The following ATP2B2 variants were observed in gnomAD, a reference collection of about 807,000 sequenced individuals.
ATP2B2 encodes the protein ATPase plasma membrane Ca2+ transporting 2, also known as plasma membrane calcium-transporting ATPase 2.
In ATP2B2, 15 loss-of-function variants were observed where a neutral mutation model predicts 120.0. The observed-to-expected ratio is 0.12, with a 90% CI of 0.08 to 0.19. The LOEUF is 0.19. Among genes scored for constraint, ATP2B2 ranks in the 10% least tolerant of loss-of-function variants. ATP2B2 has a pLI of 1.00. For missense variants in ATP2B2, 1,045 were observed against 1,719.8 expected (o/e 0.61, Z 6.94); for synonymous variants, 694 against 700.3 (o/e 0.99, Z 0.14).
At chr3:10,657,386 G>C (rs939744091) in intron 1 of ATP2B2, among the ~76,000 whole-genome samples, 1 of 152,170 alleles carries the variant, frequency 6.6e-6, no homozygotes, top group Non-Finnish European at 1.5e-5. Context: ...ATTACAATTT[G>C]TTGCCCCTTC....
At position 10,360,819 on chromosome 3, in the gene ATP2B2, C is replaced by G. The variant is rs546823421; in HGVS notation, c.1660-696G>C. 4.6e-5 allele frequency among the ~76,000 whole-genome samples: 7 copies of G among 152,286 alleles called. No individual in the cohort carries two copies. The East Asian group carries it at 1.3e-3, about 29-fold the overall frequency. On this transcript the variant is annotated intron_variant, in intron 12 of 22. Transcript: ENST00000360273. ...GTGTATTTTCTATGCAATGGCACCA[C>G]ATGTGAGTTAATGTGGCCACCACCA...
chr3:10,507,779 G>C (rs1311185406), upstream of ATP2B2, among the ~76,000 whole-genome samples: 1 of 152,202 alleles, frequency 6.6e-6, no homozygotes, highest in Non-Finnish European at 1.5e-5. Context: ...ACTACCTCTG[G>C]GGTGGCTGCC....
At chr3:10,544,877 A>C (rs2067511844) in intron 2 of ATP2B2, among the ~76,000 whole-genome samples, 1 of 152,186 alleles carries the variant, frequency 6.6e-6, no homozygotes, top group Non-Finnish European at 1.5e-5. Flanking sequence ...CGCCCCTTCC[A>C]GAATTTGTTT....
chr3:10,570,668 G>C (rs1285950234), intron 2 of ATP2B2, among the ~76,000 whole-genome samples: 1 of 152,212 alleles, frequency 6.6e-6, no homozygotes, highest in Non-Finnish European at 1.5e-5. Context: ...TTGGTGGAGA[G>C]AGTTACATGG....
At chr3:10,407,237 G>A (rs2062446109) in intron 3 of ATP2B2, among the ~76,000 whole-genome samples, 1 of 152,198 alleles carries the variant, frequency 6.6e-6, no homozygotes, top group Non-Finnish European at 1.5e-5. Flanking sequence ...TCAGGGCTGA[G>A]GATGTCCATT....
At chr3:10,374,995 T>A (rs2061342911) in intron 11 of ATP2B2, among the ~76,000 whole-genome samples, 1 of 152,234 alleles carries the variant, frequency 6.6e-6, no homozygotes. Flanking sequence ...GCCAGACTTC[T>A]ACGTAAATTT....
chr3:10,423,232 TGTTA>T (rs1188399916), intron 2 of ATP2B2, among the ~76,000 whole-genome samples: 1 of 152,240 alleles, frequency 6.6e-6, no homozygotes, highest in Non-Finnish European at 1.5e-5. Context: ...TATTTTTCTT[TGTTA>T]ATCTGGCCAC....
chr3:10,554,962 C>A (rs556576459), intron 2 of ATP2B2, among the ~76,000 whole-genome samples: 1 of 152,286 alleles, frequency 6.6e-6, no homozygotes, highest in South Asian at 2.1e-4. Context: ...TCTCTGCCAG[C>A]TGGCCTGATC....
chr3:10,520,596 A>G (rs1421596092), intron 3 of ATP2B2, among the ~76,000 whole-genome samples: 1 of 151,958 alleles, frequency 6.6e-6, no homozygotes, highest in Non-Finnish European at 1.5e-5. Flanking sequence ...CAGCCTCCCG[A>G]GTAGCTGGGA....
At chr3:10,396,499 C>A (rs2062041414) in intron 5 of ATP2B2, among the ~76,000 whole-genome samples, 1 of 152,262 alleles carries the variant, frequency 6.6e-6, no homozygotes. Flanking sequence ...TGCCCCCAGC[C>A]TGGTCTCTCT....
chr3:10,694,156 C>T (rs148301437), intron 1 of ATP2B2, among the ~76,000 whole-genome samples: 35 of 152,356 alleles, frequency 2.3e-4, no homozygotes, highest in African/African-American at 8.2e-4. Context: ...TTTCACTAGT[C>T]ATACAGGCAC....
intron 1 of ATP2B2, among the ~76,000 whole-genome samples, chr3:10,655,866 T>C (rs995381533): frequency 3.9e-5 from 6 of 152,206 alleles, no homozygotes; most frequent in Non-Finnish European, 8.8e-5. Flanking sequence ...TCTACCCAAT[T>C]CAACGTGCCT....
chr3:10,576,111 G>A (rs1056158006), intron 2 of ATP2B2, among the ~76,000 whole-genome samples: 3 of 152,248 alleles, frequency 2.0e-5, no homozygotes, highest in African/African-American at 7.2e-5. Flanking sequence ...GTTGCTGGCA[G>A]AGCAAAGTTA....
intron 1 of ATP2B2, among the ~76,000 whole-genome samples, chr3:10,643,517 C>T (rs1016348117): frequency 5.3e-5 from 8 of 152,124 alleles, no homozygotes; most frequent in East Asian, 1.9e-4. Context: ...ACACCTTGTC[C>T]GGATGGTCAA....
intron 2 of ATP2B2, among the ~76,000 whole-genome samples, chr3:10,591,484 G>T (rs9839935): frequency 0.83 from 125,941 of 152,008 alleles, 52,680 homozygotes; most frequent in Non-Finnish European, 0.89. Context: ...GTGGCGCCCT[G>T]CTCTCTCCCC....
At chr3:10,681,080 C>T (rs192671610) in intron 1 of ATP2B2, among the ~76,000 whole-genome samples, 145 of 152,316 alleles carry the variant, frequency 9.5e-4, no homozygotes, top group African/African-American at 3.3e-3. Context: ...TTTCACTTTC[C>T]GCCATGATCG....
chr3:10,703,941 T>A (rs541642216), intron 1 of ATP2B2, among the ~76,000 whole-genome samples: 66 of 152,184 alleles, frequency 4.3e-4, no homozygotes, highest in Admixed American at 1.2e-3. Context: ...GAACAGCCAC[T>A]GTGTCCCAGA....
intron 2 of ATP2B2, among the ~76,000 whole-genome samples, chr3:10,597,960 G>T (rs1034466071): frequency 6.6e-6 from 1 of 152,182 alleles, no homozygotes; most frequent in African/African-American, 2.4e-5. Context: ...CATTTCGGGA[G>T]CCGATTTGAA....
intron 12 of ATP2B2, among the ~76,000 whole-genome samples, chr3:10,367,669 C>A (rs2125487129): frequency 6.6e-6 from 1 of 152,180 alleles, no homozygotes; most frequent in East Asian, 1.9e-4. Flanking sequence ...GGGACCTGGG[C>A]CTGGGCTTGG....
Sources: allele counts gnomAD v4.1 joint callset (sites outside exome capture counted in the v4.1 genomes callset), GRCh38; gene constraint gnomAD v4.1.1; transcripts MANE v1.5; gene names NCBI Gene and HGNC (gene_info 2026-07-23, HGNC 2026-07-21).